The following CLEC17A variants were observed in gnomAD, a reference collection of about 807,000 sequenced individuals.
CLEC17A encodes C-type lectin domain family 17, member A.
Under a neutral mutation model 61.3 loss-of-function variants are expected in CLEC17A, and 37 were observed. The ratio of observed to expected loss-of-function variants is 0.60; its 90% CI spans 0.46 to 0.79. CLEC17A has a LOEUF of 0.79. CLEC17A is among the 30% of genes least tolerant of loss of function. CLEC17A has a pLI of 0.00. For missense variants in CLEC17A, 418 were observed against 464.7 expected (o/e 0.90, Z 0.92); for synonymous variants, 168 against 164.9 (o/e 1.02, Z -0.14).
At chr19:14,594,873 T>G in intron 7 of CLEC17A, 73 bp downstream of exon 7, 2 of 1,380,416 alleles carry the variant, frequency 1.4e-6, no homozygotes, top group South Asian at 2.4e-5. Flanking sequence ...CCCCCAATTT[T>G]TATTTATTTA....
At chr19:14,599,997 G>C in intron 11 of CLEC17A, 34 bp from the exon 12 acceptor site, 1 of 1,609,512 alleles carries the variant, frequency 6.2e-7, no homozygotes, top group Non-Finnish European at 8.5e-7. Flanking sequence ...TCAGGTTCTG[G>C]GGCCATCCTG....
chr19:14,608,297 A>G (rs1446620501), intron 13 of CLEC17A, among the ~76,000 whole-genome samples: 1 of 152,184 alleles, frequency 6.6e-6, no homozygotes, highest in Non-Finnish European at 1.5e-5. Flanking sequence ...AGGATTTGTC[A>G]TTGGCAAAGA....
chr19:14,597,008 T>G lies in CLEC17A; in HGVS notation c.578T>G (p.Ile193Ser). The G allele has an allele frequency of 6.2e-7, 1 of 1,610,178 alleles. No individual in the cohort carries two copies. Among genetic ancestry groups the G allele is most frequent in the Non-Finnish European group, 8.5e-7 (1 of 1,178,252 alleles). Residue 193 changes from isoleucine (I) to serine (S), a missense_variant, in exon 9 of 14, where the codon ATT (isoleucine) becomes AGT (serine). By Grantham distance (142) the Ile-to-Ser change is moderately radical. Coordinates refer to ENST00000417570, the MANE Select transcript of CLEC17A (RefSeq NM_001204118.2). ...TGCCTTGGTCTCACTGTGACCCTGA[T>G]TAAGTGTGAGTAGGGCCAGGAAGGG... ...LGCLGLTVTL[I>S]KYQELMEELR...
At position 14,610,200 on chromosome 19, in the gene CLEC17A, C is replaced by A; in HGVS notation, c.*4C>A. 1 of 1,559,010 alleles carries A rather than the reference C, an allele frequency of 6.4e-7. No individual in the cohort carries two copies. Among genetic ancestry groups the A allele is most frequent in the Non-Finnish European group, 8.7e-7 (1 of 1,151,458 alleles). On this transcript the variant is annotated 3_prime_UTR_variant, in exon 14 of 14. Transcript: ENST00000417570. The stretch of plus-strand genomic sequence containing the variant: ...TGAGCGGAAATGTTCCTGTTGAAGC[C>A]CAGGGCCGAGGCTGGGGGTCCATAT...
chr19:14,594,649 C>G lies in CLEC17A; in HGVS notation c.328C>G (p.Pro110Ala). ...CTCCTCAGCAAAGGAAACAGAGAAA[C>G]CCCCACTTCCTTGCAAGCCCCGGAA... is the stretch of plus-strand genomic sequence containing the variant. ...PPRAAKETEK[P>A]PLPCKPRNMT... The change falls in exon 6 of 14, where the codon CCC becomes GCC. Residue 110 changes from proline to alanine, a missense_variant. By Grantham distance (27) the Pro-to-Ala change is conservative (BLOSUM62 -1). Transcript: ENST00000417570. The G allele has an allele frequency of 6.2e-7, 1 of 1,613,906 alleles. No individual in the cohort carries two copies. The highest frequency in any genetic ancestry group is 8.5e-7 in the Non-Finnish European group (1 of 1,179,868).
intron 13 of CLEC17A, among the ~76,000 whole-genome samples, chr19:14,607,373 T>G (rs1364364922): frequency 2.0e-5 from 3 of 150,666 alleles, no homozygotes; most frequent in East Asian, 2.0e-4. Context: ...CCGGCTAATT[T>G]TTTGTATTTT....
At chr19:14,591,324 T>G (rs138763731) in intron 3 of CLEC17A, among the ~76,000 whole-genome samples, 7,381 of 151,412 alleles carry the variant, frequency 0.049, 617 homozygotes, top group African/African-American at 0.17. Context: ...CTGGCTAATT[T>G]TTTGTATTTT....
chr19:14,583,167 A>G lies in CLEC17A; in HGVS notation c.7A>G (p.Asn3Asp), dbSNP rs766081919. The change falls in exon 1 of 14, where the codon AAT (asparagine) becomes GAT (aspartate). Residue 3 changes from asparagine (N) to aspartate (D), a missense_variant. By Grantham distance (23) the Asn-to-Asp change is conservative. Coordinates refer to ENST00000417570, the MANE Select transcript of CLEC17A (RefSeq NM_001204118.2). Reference sequence around the variant, plus strand: ...CAGGTTCCCTGTGCTAGACATGCATAATCTGTATTCCATCACTGGGTACCC... The same window carrying G: ...CAGGTTCCCTGTGCTAGACATGCATGATCTGTATTCCATCACTGGGTACCC... MH[N>D]LYSITGYPDP... 159 of 1,613,876 alleles carry G rather than the reference A, an allele frequency of 9.9e-5. No homozygotes were observed. Among genetic ancestry groups the G allele is most frequent in the South Asian group, 5.5e-4 (50 of 91,078 alleles).
At chr19:14,584,200 G>A (rs1397500133) in intron 2 of CLEC17A, 1 of 152,206 alleles carries the variant, frequency 6.6e-6, no homozygotes, top group Non-Finnish European at 1.5e-5. Context: ...AGGCGATCGG[G>A]CGTCTGCACT....
Position 14,597,081 on chromosome 19 carries a change from T to A in CLEC17A, c.584-18T>A, listed in dbSNP as rs1346722807. 6.2e-7 allele frequency: 1 copy of A among 1,612,714 alleles called. No homozygotes were observed. Among genetic ancestry groups the A allele is most frequent in the Non-Finnish European group, 8.5e-7 (1 of 1,179,398 alleles). The stretch of plus-strand genomic sequence containing the variant: ...GTGCACAGGAGGACCTGGGCTCAAT[T>A]TGGACTCTTCTTCATAGACCAGGAG... On this transcript the variant is annotated intron_variant, in intron 9 of 13. Coordinates refer to ENST00000417570, the MANE Select transcript of CLEC17A (RefSeq NM_001204118.2).
chr19:14,597,867 G>A (rs892618432), intron 10 of CLEC17A, among the ~76,000 whole-genome samples: 1 of 152,246 alleles, frequency 6.6e-6, no homozygotes, highest in African/African-American at 2.4e-5. Flanking sequence ...GCCTCCTGAA[G>A]TGTTTCGTGC....
intron 2 of CLEC17A, among the ~76,000 whole-genome samples, chr19:14,587,233 A>G (rs1021098457): frequency 4.8e-5 from 7 of 145,406 alleles, no homozygotes; most frequent in South Asian, 2.2e-4. Flanking sequence ...CCAGAGAAAG[A>G]TGTGTGTGTG....
chr19:14,597,666 A>G (rs2074581648), intron 10 of CLEC17A, among the ~76,000 whole-genome samples: 1 of 152,176 alleles, frequency 6.6e-6, no homozygotes, highest in Non-Finnish European at 1.5e-5. Context: ...TGAATCAGGG[A>G]GTTTGAGGTT....
At chr19:14,595,928 T>TGA (rs2074535190) in intron 8 of CLEC17A, among the ~76,000 whole-genome samples, 1 of 3,660 alleles carries the variant, frequency 2.7e-4, no homozygotes, top group East Asian at 7.5e-3. Flanking sequence ...GGTGATGGTG[T>TGA]TGGTGATGAT....
intron 13 of CLEC17A, among the ~76,000 whole-genome samples, chr19:14,609,653 C>T (rs1302344688): frequency 6.6e-6 from 1 of 151,538 alleles, no homozygotes; most frequent in African/African-American, 2.4e-5. Context: ...GCCTGGCCAA[C>T]ATGGTGAAAC....
rs1052145117 is a variant in CLEC17A at position 14,596,886 on chromosome 19, C to G, written c.456C>G (p.Val152=). 1 of 1,609,062 alleles carries G rather than the reference C, an allele frequency of 6.2e-7. No homozygotes were observed. Among genetic ancestry groups the G allele is most frequent in the Non-Finnish European group, 8.5e-7 (1 of 1,177,936 alleles). The change falls in exon 9 of 14, where the codon GTC becomes GTG. Residue 152 remains valine, a synonymous_variant. Coordinates refer to ENST00000417570, the MANE Select transcript of CLEC17A (RefSeq NM_001204118.2). The part of the protein sequence containing the change: ...PLQPSLAATP[V]PWLNQRSGGP... ...ATCCCCACTCCCCAGCAACTCCAGTCCCCTGGCTCAATCAGAGGTCTGGAG... is the reference window on the plus strand; with the variant it reads ...ATCCCCACTCCCCAGCAACTCCAGTGCCCTGGCTCAATCAGAGGTCTGGAG...
chr19:14,599,079 CTTTTTTTTTTTTTT>C (rs796835309), intron 10 of CLEC17A, among the ~76,000 whole-genome samples: 2 of 56,942 alleles, frequency 3.5e-5, no homozygotes, highest in East Asian at 4.2e-4. Flanking sequence ...TGTATCTTTG[CTTTTTTTTTTTTTT>C]TTTTTTTTTT....
intron 2 of CLEC17A, among the ~76,000 whole-genome samples, chr19:14,586,894 T>TC (rs2074294794): frequency 7.1e-6 from 1 of 141,010 alleles, no homozygotes; most frequent in African/African-American, 3.0e-5. Context: ...TTTCTTTCTT[T>TC]TTTTTTTTTT....
chr19:14,603,089 A>G (rs1193572211), intron 12 of CLEC17A, among the ~76,000 whole-genome samples: 3 of 152,308 alleles, frequency 2.0e-5, no homozygotes, highest in Middle Eastern at 3.4e-3. Context: ...GCAGGTGCAA[A>G]TCATATTCCC....
Sources: gnomAD v4.1 joint callset for allele counts (sites outside exome capture counted in the v4.1 genomes callset) on GRCh38, gnomAD v4.1.1 for gene constraint, MANE v1.5 for transcripts, NCBI Gene and HGNC (gene_info 2026-07-23, HGNC 2026-07-21) for gene names.